Variants in SLC24A4 observed in about 807,000 individuals in gnomAD.
The protein encoded by SLC24A4 is sodium/potassium/calcium exchanger 4.
Under a neutral mutation model 79.0 loss-of-function variants are expected in SLC24A4, and 53 were observed. The observed-to-expected ratio is 0.67, with a 90% CI of 0.54 to 0.84. The LOEUF (loss-of-function observed/expected upper bound fraction) is 0.84, where lower values mean the gene tolerates loss of function less well. Among genes scored for constraint, SLC24A4 ranks in the 40% least tolerant of loss-of-function variants. SLC24A4 has a pLI of 0.00. For missense variants in SLC24A4, 731 were observed against 822.0 expected, an observed-to-expected ratio of 0.89 and a Z score of 1.35; for synonymous variants, 323 against 323.8, an observed-to-expected ratio of 1.00 and a Z score of 0.03.
intron 10 of SLC24A4, chr14:92,451,781 A>T (rs1437126843): frequency 1.3e-5 from 2 of 152,230 alleles, no homozygotes; most frequent in Non-Finnish European, 1.5e-5. Context: ...GTGGCCTTGA[A>T]CACAGCCTGG....
intron 13 of SLC24A4, chr14:92,483,690 C>T (rs1230486250): frequency 1.6e-6 from 2 of 1,268,740 alleles, no homozygotes; most frequent in East Asian, 1.1e-4. Context: ...CTCTGTATAC[C>T]ACCTAATGGG....
chr14:92,434,013 A>G (rs1892029785), intron 3 of SLC24A4, 25 bp downstream of exon 3: 8 of 1,597,326 alleles, frequency 5.0e-6, no homozygotes, highest in Non-Finnish European at 6.9e-6. Flanking sequence ...CAGAGTGGTC[A>G]CAAAACTTCT....
At position 92,342,317 on chromosome 14, in the gene SLC24A4, G is replaced by A. The variant is rs868190997; in HGVS notation, c.241+16339G>A. On this transcript the variant is annotated intron_variant, in intron 2 of 16. Transcript: ENST00000532405. ...GAGGTCTGGGGTGGGGCTGTGGGGGGGGGGTCTCCATTTCTGACATGCTCC... is the reference window on the plus strand; with the variant it reads ...GAGGTCTGGGGTGGGGCTGTGGGGGAGGGGTCTCCATTTCTGACATGCTCC... 1.2e-3 allele frequency among the ~76,000 whole-genome samples: 185 copies of A among 151,916 alleles called. 2 individuals are homozygous for A. Among genetic ancestry groups the A allele is most frequent in the South Asian group, 9.0e-3 (43 of 4,788 alleles).
chr14:92,451,043 A>G (rs1893107044), intron 10 of SLC24A4: 1 of 152,166 alleles, frequency 6.6e-6, no homozygotes, highest in Non-Finnish European at 1.5e-5. Flanking sequence ...AGTCCAGGAC[A>G]TTTTCTGGAA....
intron 2 of SLC24A4, among the ~76,000 whole-genome samples, chr14:92,376,252 A>G (rs985505262): frequency 3.9e-5 from 6 of 152,146 alleles, no homozygotes; most frequent in African/African-American, 1.4e-4. Context: ...GATAGAACCT[A>G]CCTCACAGGG....
At chr14:92,456,336 C>T in intron 11 of SLC24A4, 68 bp from the exon 12 acceptor site, 8 of 1,539,256 alleles carry the variant, frequency 5.2e-6, no homozygotes, top group South Asian at 2.3e-5. Flanking sequence ...GTGAGGGACC[C>T]AGCGTATAGC....
intron 2 of SLC24A4, among the ~76,000 whole-genome samples, chr14:92,356,183 T>C (rs886206655): frequency 6.6e-6 from 1 of 152,174 alleles, no homozygotes; most frequent in African/African-American, 2.4e-5. Context: ...ATGCTTAAGA[T>C]GGGCAAGGCT....
intron 2 of SLC24A4, among the ~76,000 whole-genome samples, chr14:92,405,866 A>G (rs1343589562): frequency 6.6e-6 from 1 of 152,150 alleles, no homozygotes; most frequent in Non-Finnish European, 1.5e-5. Context: ...CCCAAATCTC[A>G]TGTCTTTCTC....
intron 2 of SLC24A4, among the ~76,000 whole-genome samples, chr14:92,388,849 G>T (rs1889311511): frequency 6.6e-6 from 1 of 152,204 alleles, no homozygotes; most frequent in Non-Finnish European, 1.5e-5. Context: ...CAAAACTGGG[G>T]CCCAGGAGAC....
chr14:92,479,122 A>G (rs1277996267), intron 12 of SLC24A4, among the ~76,000 whole-genome samples: 1 of 152,238 alleles, frequency 6.6e-6, no homozygotes, highest in African/African-American at 2.4e-5. Flanking sequence ...ATACAAGATC[A>G]TGTCATCTAC....
chr14:92,430,725 C>G (rs1891820048), intron 2 of SLC24A4, among the ~76,000 whole-genome samples: 1 of 152,226 alleles, frequency 6.6e-6, no homozygotes, highest in Non-Finnish European at 1.5e-5. Flanking sequence ...TCCCTTCACT[C>G]CATGTCCCCA....
intron 2 of SLC24A4, among the ~76,000 whole-genome samples, chr14:92,361,606 G>A (rs1469821993): frequency 6.6e-6 from 1 of 152,158 alleles, no homozygotes; most frequent in Non-Finnish European, 1.5e-5. Flanking sequence ...CAGCAATAAC[G>A]TAAAACAGAG....
At chr14:92,325,179 G>A (rs935157202) in intron 1 of SLC24A4, among the ~76,000 whole-genome samples, 2 of 152,210 alleles carry the variant, frequency 1.3e-5, no homozygotes, top group South Asian at 2.1e-4. Flanking sequence ...GAAGCAGTGC[G>A]CATCAGGAGA....
At chr14:92,360,772 C>T (rs994152783) in intron 2 of SLC24A4, among the ~76,000 whole-genome samples, 4 of 152,156 alleles carry the variant, frequency 2.6e-5, no homozygotes, top group Non-Finnish European at 4.4e-5. Context: ...CCAGGTTGGC[C>T]CAGCTAGTAA....
At chr14:92,358,113 C>A (rs1887284035) in intron 2 of SLC24A4, among the ~76,000 whole-genome samples, 1 of 152,152 alleles carries the variant, frequency 6.6e-6, no homozygotes, top group South Asian at 2.1e-4. Context: ...CTTTTCTACT[C>A]CAAAATTCTT....
chr14:92,480,806 T>C (rs1156259095), intron 12 of SLC24A4, among the ~76,000 whole-genome samples: 1 of 152,210 alleles, frequency 6.6e-6, no homozygotes, highest in Admixed American at 6.5e-5. Context: ...GTTATTGGTT[T>C]CTAATTCTGT....
Position 92,447,364 on chromosome 14 carries a change from C to G in SLC24A4, c.684-7C>G, listed in dbSNP as rs1345483647. ...GCTCTAACCGCAATCTCCTTTCTCTCTTTGAGGTGGGAAGGCCTGGTGCTC... is the reference window on the plus strand; with the variant it reads ...GCTCTAACCGCAATCTCCTTTCTCTGTTTGAGGTGGGAAGGCCTGGTGCTC... On this transcript the variant is annotated splice_polypyrimidine_tract_variant and splice_region_variant and intron_variant, in intron 8 of 16. Coordinates refer to ENST00000532405, the MANE Select transcript of SLC24A4 (RefSeq NM_153646.4). 1 of 1,614,072 alleles carries G rather than the reference C, an allele frequency of 6.2e-7. No homozygotes were observed. Among genetic ancestry groups the G allele is most frequent in the Admixed American group, 1.7e-5 (1 of 60,024 alleles).
chr14:92,362,416 C>T (rs74072676), intron 2 of SLC24A4, among the ~76,000 whole-genome samples: 30 of 152,262 alleles, frequency 2.0e-4, no homozygotes, highest in East Asian at 5.8e-4. Context: ...GTCAGTCCCC[C>T]CAATGTTCAC....
rs528182552 is a variant in SLC24A4 at position 92,363,960 on chromosome 14, G to GCCTCC, written c.241+37983_241+37987dup. ...TCCCGGCCACGCCGACCCACACAAT[G>GCCTCC]CCTCCTGACTGTGGCACCTCCAGAT... On this transcript the variant is annotated intron_variant, in intron 2 of 16. Transcript: ENST00000532405. Among the ~76,000 whole-genome samples the GCCTCC allele has an allele frequency of 3.5e-4, 54 of 152,240 alleles. No homozygotes were observed. The East Asian group carries it at 9.3e-3, about 26-fold the overall frequency.
Sources: allele counts gnomAD v4.1 joint callset (sites outside exome capture counted in the v4.1 genomes callset), GRCh38; gene constraint gnomAD v4.1.1; transcripts MANE v1.5; gene names NCBI Gene and HGNC (gene_info 2026-07-23, HGNC 2026-07-21).